XIRP2: variants seen among roughly 807,000 people sequenced by gnomAD.
XIRP2 encodes xin actin-binding repeat-containing protein 2.
A neutral mutation model predicts 277.0 loss-of-function variants in XIRP2; 236 were observed. That is an observed-to-expected ratio of 0.85 (90% CI 0.77 to 0.95). XIRP2 has a LOEUF of 0.95. Among genes scored for constraint, XIRP2 ranks in the 40% least tolerant of loss-of-function variants. XIRP2 has a pLI of 0.00. For synonymous variants in XIRP2, 1,490 were observed against 1,416.5 expected (o/e 1.05, Z -1.17); for missense variants, 4,640 against 4,157.5 (o/e 1.12, Z -3.19).
At chr2:167,227,775 A>G (rs1241243478) in intron 5 of XIRP2, among the ~76,000 whole-genome samples, 2 of 152,190 alleles carry the variant, frequency 1.3e-5, no homozygotes, top group Non-Finnish European at 2.9e-5. Context: ...ATGTTAAAAC[A>G]TTAAAAGTAA....
intron 3 of XIRP2, among the ~76,000 whole-genome samples, chr2:167,161,274 CTT>C (rs1308608379): frequency 1.3e-5 from 2 of 152,222 alleles, no homozygotes. Flanking sequence ...TAGTGGCCTT[CTT>C]CTCACAACTC....
chr2:167,081,055 A>C (rs1689714163), intron 2 of XIRP2, among the ~76,000 whole-genome samples: 1 of 152,158 alleles, frequency 6.6e-6, no homozygotes. Context: ...TTTTAAATTT[A>C]TGCAAGGGGT....
chr2:167,097,375 T>C (rs1289442734), intron 2 of XIRP2, among the ~76,000 whole-genome samples: 1 of 88,096 alleles, frequency 1.1e-5, no homozygotes, highest in Non-Finnish European at 2.0e-5. Context: ...ACCCCTGCTT[T>C]TTTTTGTTTT....
In XIRP2 at chr2:167,149,325, A is replaced by G. The variant is rs114841646; in HGVS notation, c.562+13263A>G. Among the ~76,000 whole-genome samples, 866 of 152,336 alleles carry G rather than the reference A, an allele frequency of 5.7e-3. 5 individuals carry two copies. The highest frequency in any genetic ancestry group is 0.02 in the African/African-American group (818 of 41,578). On this transcript the variant is annotated intron_variant, in intron 3 of 10. Coordinates refer to ENST00000409195, the MANE Select transcript of XIRP2 (RefSeq NM_152381.6). ...ATGCTTTCAACTGGGGTCTCAAAAA[A>G]GTCCCATAGATAAAGTTCCAGTGAG...
At chr2:167,166,094 A>G (rs1366157649) in intron 3 of XIRP2, among the ~76,000 whole-genome samples, 2 of 152,196 alleles carry the variant, frequency 1.3e-5, no homozygotes, top group South Asian at 2.1e-4. Context: ...GTCACTCTCC[A>G]TTGTATTGCC....
intron 5 of XIRP2, among the ~76,000 whole-genome samples, chr2:167,227,353 T>C (rs1301406579): frequency 6.6e-6 from 1 of 152,138 alleles, no homozygotes; most frequent in African/African-American, 2.4e-5. Flanking sequence ...GTAATTCCTT[T>C]GCTGGTGGTA....
At chr2:166,984,447 T>C (rs1446383922) in intron 2 of XIRP2, among the ~76,000 whole-genome samples, 2 of 152,294 alleles carry the variant, frequency 1.3e-5, no homozygotes, top group South Asian at 4.1e-4. Context: ...TCTGAAGATA[T>C]GTTCTTAATT....
intron 2 of XIRP2, among the ~76,000 whole-genome samples, chr2:167,133,645 A>G (rs947593380): frequency 6.6e-6 from 1 of 152,194 alleles, no homozygotes; most frequent in African/African-American, 2.4e-5. Flanking sequence ...TTACCAAAAC[A>G]TAAATTTTCC....
intron 3 of XIRP2, among the ~76,000 whole-genome samples, chr2:167,191,436 ACAT>A (rs1272713124): frequency 6.6e-6 from 1 of 152,108 alleles, no homozygotes; most frequent in Non-Finnish European, 1.5e-5. Context: ...GTGCCAAAAG[ACAT>A]CAACCCAACC....
intron 2 of XIRP2, among the ~76,000 whole-genome samples, chr2:166,942,359 C>A (rs1160163654): frequency 6.6e-6 from 1 of 152,162 alleles, no homozygotes; most frequent in Admixed American, 6.5e-5. Flanking sequence ...AGCCCACATG[C>A]TTTCATAGGT....
At chr2:166,968,747 T>A (rs1686494619) in intron 2 of XIRP2, among the ~76,000 whole-genome samples, 1 of 151,792 alleles carries the variant, frequency 6.6e-6, no homozygotes, top group Non-Finnish European at 1.5e-5. Flanking sequence ...AAAATTTGAT[T>A]TTTTTTTCTA....
intron 2 of XIRP2, among the ~76,000 whole-genome samples, chr2:166,964,984 A>G (rs997417270): frequency 1.3e-5 from 2 of 151,798 alleles, no homozygotes; most frequent in Non-Finnish European, 2.9e-5. Flanking sequence ...TCTTTAAGAG[A>G]CATGGTATGT....
At chr2:167,130,899 A>G (rs761913019) in intron 2 of XIRP2, among the ~76,000 whole-genome samples, 4 of 152,046 alleles carry the variant, frequency 2.6e-5, no homozygotes, top group African/African-American at 9.7e-5. Context: ...GTAAGTAACT[A>G]TGTAACTTAA....
intron 5 of XIRP2, among the ~76,000 whole-genome samples, chr2:167,228,049 G>A (rs16853267): frequency 0.15 from 22,947 of 152,068 alleles, 2,142 homozygotes; most frequent in African/African-American, 0.27. Context: ...ATAATGTAGT[G>A]AAACTGCCTA....
At chr2:167,155,213 A>T (rs1196749915) in intron 3 of XIRP2, among the ~76,000 whole-genome samples, 1 of 151,538 alleles carries the variant, frequency 6.6e-6, no homozygotes, top group Admixed American at 6.6e-5. Context: ...TCCAATCAAT[A>T]GAAAAAGAGG....
At chr2:166,950,502 A>G (rs1201095641) in intron 2 of XIRP2, among the ~76,000 whole-genome samples, 1 of 152,076 alleles carries the variant, frequency 6.6e-6, no homozygotes, top group South Asian at 2.1e-4. Context: ...TTAAACCCAA[A>G]CTATAAAGGC....
At chr2:166,939,440 G>A (rs569945488) in intron 2 of XIRP2, among the ~76,000 whole-genome samples, 84 of 152,056 alleles carry the variant, frequency 5.5e-4, no homozygotes, top group Admixed American at 3.8e-3. Context: ...CAGCACTTTG[G>A]GAGGCTGAGG....
At chr2:167,118,938 A>C (rs750945702) in intron 2 of XIRP2, among the ~76,000 whole-genome samples, 8 of 152,222 alleles carry the variant, frequency 5.3e-5, no homozygotes, top group Non-Finnish European at 1.2e-4. Flanking sequence ...AGGAGAGTGC[A>C]GTGTCATGGA....
Position 167,220,287 on chromosome 2 carries a change from G to C in XIRP2, c.858+1987G>C, listed in dbSNP as rs115007770. Among the ~76,000 whole-genome samples the C allele has an allele frequency of 2.7e-3, 418 of 152,190 alleles. 1 individual carries two copies. The highest frequency in any genetic ancestry group is 0.01 in the Middle Eastern group (3 of 294). On this transcript the variant is annotated intron_variant, in intron 5 of 10. Coordinates refer to ENST00000409195, the MANE Select transcript of XIRP2 (RefSeq NM_152381.6). ...CTAAGATCACAGATATTGGAGCTAG[G>C]TCATTTGGGTTCAAATTCCTGCTCC... is the stretch of plus-strand genomic sequence containing the variant.
Sources: allele counts gnomAD v4.1 joint callset (sites outside exome capture counted in the v4.1 genomes callset), GRCh38; gene constraint gnomAD v4.1.1; transcripts MANE v1.5; gene names NCBI Gene and HGNC (gene_info 2026-07-23, HGNC 2026-07-21).